SPIB: variants seen among roughly 807,000 people sequenced by gnomAD.
SPIB encodes the protein transcription factor Spi-B.
Under a neutral mutation model 31.9 loss-of-function variants are expected in SPIB, and 7 were observed. The ratio of observed to expected loss-of-function variants is 0.22; its 90% CI spans 0.12 to 0.41. The LOEUF is 0.41. SPIB is among the 10% of genes least tolerant of loss of function. The probability of loss-of-function intolerance (pLI) is 1.00; values close to 1 mark genes in which losing one functional copy is unlikely to be tolerated. For synonymous variants in SPIB, 176 were observed against 158.9 expected, an observed-to-expected ratio of 1.11 and a Z score of -0.81; for missense variants, 327 against 360.2, an observed-to-expected ratio of 0.91 and a Z score of 0.75.
intron 4 of SPIB, 151 bp from the exon 5 acceptor site, chr19:50,423,454 C>A: frequency 2.9e-6 from 3 of 1,021,910 alleles, no homozygotes; most frequent in Non-Finnish European, 4.2e-6. Context: ...TGTCCCCTGG[C>A]CACAGCGTGG....
chr19:50,422,070 ATTGACCCCTGCCTCTGTTAAGTGAAACAC>A (rs1317794975), intron 2 of SPIB, among the ~76,000 whole-genome samples: 1 of 152,186 alleles, frequency 6.6e-6, no homozygotes, highest in Admixed American at 6.5e-5. Context: ...TTTAAAAAGC[ATTGACCCCTGCCTCTGTTAAGTGAAACAC>A]TTCCATTTCC....
chr19:50,427,862 C>CA, intron 5 of SPIB, among the ~76,000 whole-genome samples, 176 bp from the exon 6 acceptor site: 1 of 94,104 alleles, frequency 1.1e-5, no homozygotes, highest in Admixed American at 1.1e-4. Flanking sequence ...TGGCTTGCCC[C>CA]CCCCCCCCCC....
At chr19:50,420,691 C>T (rs1023824290) in intron 2 of SPIB, among the ~76,000 whole-genome samples, 3 of 152,104 alleles carry the variant, frequency 2.0e-5, no homozygotes, top group African/African-American at 7.2e-5. Flanking sequence ...GCAGTGGCAG[C>T]GTCTTGGCTC....
In SPIB at chr19:50,430,911, G is replaced by C. The variant is rs1409392180; in HGVS notation, c.*2575G>C. 2 of 152,274 alleles carry C rather than the reference G, an allele frequency of 1.3e-5. No individual in the cohort carries two copies. Among genetic ancestry groups the C allele is most frequent in the Non-Finnish European group, 2.9e-5 (2 of 68,074 alleles). 9.4% of individuals were successfully genotyped at this position (152,274 alleles called of 1,614,324 possible). A position where few individuals can be genotyped will look rare whatever the true frequency, so the allele number is the denominator to read the frequency against. The stretch of plus-strand genomic sequence containing the variant: ...AGCCCAGGCTGGGACCTGCCCTTAA[G>C]AGAATGAGTGGGAAGGGGGAGGGAG... On this transcript the variant is annotated 3_prime_UTR_variant, in exon 6 of 6. Coordinates refer to ENST00000595883, the MANE Select transcript of SPIB (RefSeq NM_003121.5).
rs1240343785 is a variant in SPIB, at chr19:50,419,763, CA to C, written c.24-182del. ...AGGAGGGGGACATTTGCCTCCCCCC[CA>C]CCCCCCACTTCCTGTCCCAGCAGGG... On this transcript the variant is annotated intron_variant, in intron 1 of 5. Transcript: ENST00000595883. The C allele has an allele frequency of 7.9e-6, 4 of 509,334 alleles. No individual in the cohort carries two copies. The African/African-American group carries it at 8.1e-5, about 10-fold the overall frequency. The allele number at this position is 509,334 out of a possible 1,614,324, so 31.6% of individuals were successfully genotyped here.
intron 1 of SPIB, 52 bp from the exon 2 acceptor site, chr19:50,419,894 T>C (rs1340599008): frequency 6.6e-7 from 1 of 1,523,504 alleles, no homozygotes; most frequent in Non-Finnish European, 8.8e-7. Context: ...CACTTTGAGA[T>C]TCAGGTGGCT....
At position 50,419,845 on chromosome 19, in the gene SPIB, G is replaced by T. The variant is rs2122539087; in HGVS notation, c.24-101G>T. 2.4e-6 allele frequency: 3 copies of T among 1,263,258 alleles called. No individual in the cohort carries two copies. In the East Asian group the frequency reaches 9.1e-5, roughly 38 times the overall value. 78.3% of individuals were successfully genotyped at this position (1,263,258 alleles called of 1,614,324 possible). A position where few individuals can be genotyped will look rare whatever the true frequency, so the allele number is the denominator to read the frequency against. ...GGCTGGTCCCTCACACAGGGCTGCG[G>T]TGGTCACAGCTGCTGCCGCCTCCCC... On this transcript the variant is annotated intron_variant, in intron 1 of 5. Transcript: ENST00000595883.
intron 3 of SPIB, 90 bp downstream of exon 3, chr19:50,422,635 C>A: frequency 7.0e-7 from 1 of 1,437,800 alleles, no homozygotes; most frequent in African/African-American, 1.4e-5. Context: ...TTTCCTAGCA[C>A]AACAGGATAA....
intron 4 of SPIB, 38 bp downstream of exon 4, chr19:50,423,075 C>T (rs745761220): frequency 2.9e-6 from 3 of 1,044,062 alleles, no homozygotes; most frequent in East Asian, 2.4e-5. Flanking sequence ...AAGCCCAAAC[C>T]AGGTGTGGTG....
Position 50,430,742 on chromosome 19 carries a change from CA to C in SPIB, c.*2418del, listed in dbSNP as rs546542748. On this transcript the variant is annotated 3_prime_UTR_variant, in exon 6 of 6. Coordinates refer to ENST00000595883, the MANE Select transcript of SPIB (RefSeq NM_003121.5). ...GGGCGACAAGAGCGAAACTCCGTCT[CA>C]AAAAAAAAAAACTGTTGCAGCCCCG... is the stretch of plus-strand genomic sequence containing the variant. 0.02 allele frequency: 2,909 copies of C among 142,348 alleles called. 99 individuals carry two copies. Among genetic ancestry groups the C allele is most frequent in the African/African-American group, 0.068 (2,641 of 38,944 alleles). 8.8% of individuals were successfully genotyped at this position (142,348 alleles called of 1,614,324 possible).
intron 4 of SPIB, 115 bp downstream of exon 4, chr19:50,423,152 G>A (rs1056549991): frequency 3.8e-6 from 2 of 529,408 alleles, no homozygotes; most frequent in Non-Finnish European, 6.6e-6. Flanking sequence ...AGCCCAGAAG[G>A]TCGAGGCAAT....
At chr19:50,426,231 C>A (rs549562669) in intron 5 of SPIB, among the ~76,000 whole-genome samples, 2 of 151,852 alleles carry the variant, frequency 1.3e-5, no homozygotes, top group East Asian at 1.9e-4. Context: ...TAAATAAATA[C>A]TTGGTGGGTT....
Position 50,419,035 on chromosome 19 carries a change from CCT to C in SPIB, c.23+53_23+54del, listed in dbSNP as rs916212870. On this transcript the variant is annotated intron_variant, in intron 1 of 5. Transcript: ENST00000595883. Reference sequence around the variant, plus strand: ...ACCCGGGGTCCCCACCTGCACTGCCCCTCTGTGGGGCCTCACCCATGGGCAGT... The same window carrying C: ...ACCCGGGGTCCCCACCTGCACTGCCCCTGTGGGGCCTCACCCATGGGCAGT... The C allele has an allele frequency of 3.3e-5, 51 of 1,547,770 alleles. No individual in the cohort carries two copies. The African/African-American group carries it at 6.6e-4, about 20-fold the overall frequency.
intron 1 of SPIB, 23 bp from the exon 2 acceptor site, chr19:50,419,923 C>A: frequency 1.3e-6 from 2 of 1,539,234 alleles, no homozygotes; most frequent in East Asian, 5.4e-5. Flanking sequence ...CCTCAGCATG[C>A]CCCTGTGTCT....
Position 50,422,918 on chromosome 19 carries a change from G to A in SPIB, c.220G>A (p.Ala74Thr). The A allele has an allele frequency of 6.2e-7, 1 of 1,604,798 alleles. No homozygotes were observed. Among genetic ancestry groups the A allele is most frequent in the Non-Finnish European group, 8.5e-7 (1 of 1,173,356 alleles). The stretch of plus-strand genomic sequence containing the variant: ...AGCCGCTTTTAGCCACCCCCAGGCT[G>A]CCCAGCTCTGCTACGAACCCCCCAC... ...AAAAFSHPQAAQLCYEPPTYS... is the reference protein window; with the variant it reads ...AAAAFSHPQATQLCYEPPTYS... Residue 74 changes from alanine (A) to threonine (T), a missense_variant, in exon 4 of 6, where the codon GCC becomes ACC. Physicochemically the swap from Ala to Thr is moderately conservative, Grantham distance 58. Around this residue, in one of 4 missense-constraint regions of SPIB, gnomAD observed 238 missense variants for 228.8 expected, o/e 1.04. Coordinates refer to ENST00000595883, the MANE Select transcript of SPIB (RefSeq NM_003121.5).
chr19:50,427,118 A>T (rs1353351728), intron 5 of SPIB, among the ~76,000 whole-genome samples: 1 of 151,894 alleles, frequency 6.6e-6, no homozygotes, highest in Admixed American at 6.6e-5. Flanking sequence ...TGACAGAACG[A>T]GACCCTGCCT....
At position 50,422,906 on chromosome 19, in the gene SPIB, C is replaced by T; in HGVS notation, c.208C>T (p.His70Tyr). 6.2e-7 allele frequency: 1 copy of T among 1,609,042 alleles called. No homozygotes were observed. The highest frequency in any genetic ancestry group is 8.5e-7 in the Non-Finnish European group (1 of 1,176,830). Reference sequence around the variant, plus strand: ...CGACCCGGCAGCAGCCGCTTTTAGCCACCCCCAGGCTGCCCAGCTCTGCTA... The same window carrying T: ...CGACCCGGCAGCAGCCGCTTTTAGCTACCCCCAGGCTGCCCAGCTCTGCTA... ...AFDPAAAAFS[H>Y]PQAAQLCYEP... is the part of the protein sequence containing the mutation. Residue 70 changes from histidine to tyrosine, a missense_variant, in exon 4 of 6, where the codon CAC becomes TAC. Around this residue, in one of 4 missense-constraint regions of SPIB, gnomAD observed 238 missense variants for 228.8 expected, o/e 1.04. Transcript: ENST00000595883.
chr19:50,422,595 G>C (rs1406574369), intron 3 of SPIB, 50 bp downstream of exon 3: 3 of 1,594,582 alleles, frequency 1.9e-6, no homozygotes, highest in Non-Finnish European at 2.6e-6. Context: ...CCATTTCACA[G>C]ATAGGGGAGC....
chr19:50,421,273 C>A (rs956371919), intron 2 of SPIB, among the ~76,000 whole-genome samples: 1 of 152,096 alleles, frequency 6.6e-6, no homozygotes, highest in Admixed American at 6.6e-5. Flanking sequence ...GACTCGAGTT[C>A]TTGAAGCAAC....
Sources: allele counts gnomAD v4.1 joint callset (sites outside exome capture counted in the v4.1 genomes callset), GRCh38; gene constraint gnomAD v4.1.1; regional missense constraint gnomAD v4.1.1; transcripts MANE v1.5; gene names NCBI Gene and HGNC (gene_info 2026-07-23, HGNC 2026-07-21).